The following PLCB1 variants were observed in gnomAD, a reference collection of about 807,000 sequenced individuals.
PLCB1 encodes the protein phospholipase C beta 1.
PLCB1 carries 46 observed loss-of-function variants against 161.8 expected under a neutral mutation model. The ratio of observed to expected loss-of-function variants is 0.28; its 90% CI spans 0.22 to 0.36. PLCB1 has a LOEUF of 0.36. Among genes scored for constraint, PLCB1 ranks in the 10% least tolerant of loss-of-function variants. The pLI, the probability that PLCB1 is intolerant of heterozygous loss-of-function variation, is 1.00. For missense variants in PLCB1, 1,016 were observed against 1,472.5 expected, an observed-to-expected ratio of 0.69 and a Z score of 5.07; for synonymous variants, 517 against 503.7, an observed-to-expected ratio of 1.03 and a Z score of -0.35.
chr20:8,814,227 A>C (rs909425091), intron 31 of PLCB1, among the ~76,000 whole-genome samples: 3 of 152,218 alleles, frequency 2.0e-5, no homozygotes, highest in Non-Finnish European at 4.4e-5. Flanking sequence ...CAAGATGAAG[A>C]GTATAGATGT....
chr20:8,389,108 G>T (rs1987516930), intron 3 of PLCB1, among the ~76,000 whole-genome samples: 1 of 152,028 alleles, frequency 6.6e-6, no homozygotes, highest in African/African-American at 2.4e-5. Flanking sequence ...ATGGCTAAAA[G>T]CTTTTTACTT....
chr20:8,471,442 G>T (rs965452284), intron 3 of PLCB1, among the ~76,000 whole-genome samples: 13 of 152,164 alleles, frequency 8.5e-5, no homozygotes, highest in African/African-American at 3.1e-4. Flanking sequence ...GCCCTGGAGA[G>T]CTCAGATTGT....
chr20:8,258,269 G>C (rs1223933972), intron 2 of PLCB1, among the ~76,000 whole-genome samples: 1 of 152,084 alleles, frequency 6.6e-6, no homozygotes, highest in Non-Finnish European at 1.5e-5. Flanking sequence ...CCATAATATT[G>C]ACTGAATTAT....
At chr20:8,381,406 G>T (rs911105816) in intron 3 of PLCB1, among the ~76,000 whole-genome samples, 4 of 151,862 alleles carry the variant, frequency 2.6e-5, no homozygotes, top group African/African-American at 4.8e-5. Flanking sequence ...AGTTTTTTTT[G>T]TTGTTGTTGT....
At position 8,731,836 on chromosome 20, in the gene PLCB1, T is replaced by C. The variant is rs1980264008; in HGVS notation, c.1889-1402T>C. ...TAAATTCATTATTGTTTTGAAATTT[T>C]GTCCAATTTTGACATCATAGTTATG... On this transcript the variant is annotated intron_variant, in intron 18 of 31. Coordinates refer to ENST00000338037, the MANE Select transcript of PLCB1 (RefSeq NM_015192.4). Among the ~76,000 whole-genome samples, 3 of 152,050 alleles carry C rather than the reference T, an allele frequency of 2.0e-5. No individual in the cohort carries two copies. In the South Asian group the frequency reaches 6.2e-4, roughly 31 times the overall value.
chr20:8,578,905 A>C (rs1295353213), intron 3 of PLCB1, among the ~76,000 whole-genome samples: 1 of 152,256 alleles, frequency 6.6e-6, no homozygotes, highest in African/African-American at 2.4e-5. Flanking sequence ...TTCTGATGGC[A>C]GTCACATCTT....
chr20:8,373,076 A>G (rs1198471558), intron 3 of PLCB1, among the ~76,000 whole-genome samples: 1 of 152,216 alleles, frequency 6.6e-6, no homozygotes, highest in East Asian at 1.9e-4. Context: ...GAACAGCAGT[A>G]GGGCCTGTAC....
At chr20:8,566,946 G>C (rs1986356077) in intron 3 of PLCB1, among the ~76,000 whole-genome samples, 1 of 151,852 alleles carries the variant, frequency 6.6e-6, no homozygotes, top group Non-Finnish European at 1.5e-5. Context: ...AGGGTTCCTT[G>C]TGTTGGTATG....
intron 3 of PLCB1, among the ~76,000 whole-genome samples, chr20:8,487,845 C>T (rs894169796): frequency 1.3e-5 from 2 of 152,030 alleles, no homozygotes; most frequent in Non-Finnish European, 2.9e-5. Context: ...TCCTTTTTAC[C>T]GAGGCTGGTG....
chr20:8,271,602 A>G (rs575554618), intron 2 of PLCB1, among the ~76,000 whole-genome samples: 67 of 152,248 alleles, frequency 4.4e-4, no homozygotes, highest in African/African-American at 1.3e-3. Flanking sequence ...TAGCACATAT[A>G]TAATAGCTGG....
chr20:8,138,046 A>T (rs2051366307), intron 1 of PLCB1, among the ~76,000 whole-genome samples: 1 of 152,208 alleles, frequency 6.6e-6, no homozygotes, highest in South Asian at 2.1e-4. Flanking sequence ...ACAAAACCCT[A>T]GTAATTTACA....
At chr20:8,767,386 T>C (rs1245980226) in intron 26 of PLCB1, among the ~76,000 whole-genome samples, 1 of 152,190 alleles carries the variant, frequency 6.6e-6, no homozygotes, top group East Asian at 1.9e-4. Flanking sequence ...AAAGGCTTTC[T>C]TTGGTCTAAT....
At chr20:8,641,942 C>T (rs572762486) in intron 4 of PLCB1, among the ~76,000 whole-genome samples, 2 of 152,246 alleles carry the variant, frequency 1.3e-5, no homozygotes, top group South Asian at 2.1e-4. Context: ...TTACAGGAAA[C>T]GACCCATTGC....
chr20:8,525,895 A>G (rs969021814), intron 3 of PLCB1, among the ~76,000 whole-genome samples: 1 of 152,070 alleles, frequency 6.6e-6, no homozygotes, highest in Non-Finnish European at 1.5e-5. Context: ...GCTCCTAAAA[A>G]ATGAAAATTG....
intron 2 of PLCB1, among the ~76,000 whole-genome samples, chr20:8,181,831 A>G (rs930536195): frequency 6.6e-6 from 1 of 152,140 alleles, no homozygotes; most frequent in African/African-American, 2.4e-5. Context: ...ATATCTGGGC[A>G]TGGCGAATCA....
At chr20:8,219,855 T>C (rs975621910) in intron 2 of PLCB1, among the ~76,000 whole-genome samples, 5 of 152,210 alleles carry the variant, frequency 3.3e-5, no homozygotes, top group Admixed American at 3.3e-4. Flanking sequence ...ATTTGATATA[T>C]TATTATTTAT....
chr20:8,206,011 G>A (rs978775513), intron 2 of PLCB1, among the ~76,000 whole-genome samples: 3 of 151,316 alleles, frequency 2.0e-5, no homozygotes, highest in African/African-American at 7.4e-5. Flanking sequence ...TAAAAACTTT[G>A]TTATGTAATA....
At chr20:8,744,817 A>G (rs1050926790) in intron 23 of PLCB1, among the ~76,000 whole-genome samples, 1 of 152,064 alleles carries the variant, frequency 6.6e-6, no homozygotes, top group African/African-American at 2.4e-5. Flanking sequence ...AGAATGAGAG[A>G]CATAAGGCCT....
At chr20:8,481,002 G>A (rs1243085572) in intron 3 of PLCB1, among the ~76,000 whole-genome samples, 1 of 152,124 alleles carries the variant, frequency 6.6e-6, no homozygotes, top group Non-Finnish European at 1.5e-5. Flanking sequence ...TACTGGGGAG[G>A]CTGGGGCCAG....
Sources: allele counts gnomAD v4.1 joint callset (sites outside exome capture counted in the v4.1 genomes callset), GRCh38; gene constraint gnomAD v4.1.1; transcripts MANE v1.5; gene names NCBI Gene and HGNC (gene_info 2026-07-23, HGNC 2026-07-21).